Variants in NOX4 observed in about 807,000 individuals in gnomAD.
NOX4 encodes the protein kidney oxidase-1.
Under a neutral mutation model 87.6 loss-of-function variants are expected in NOX4, and 69 were observed. That is an observed-to-expected ratio of 0.79 (90% CI 0.65 to 0.96). NOX4 has a LOEUF of 0.96. NOX4 is among the 40% of genes least tolerant of loss of function. The pLI, the probability that NOX4 is intolerant of heterozygous loss-of-function variation, is 0.00. For missense variants in NOX4, 680 were observed against 681.5 expected (o/e 1.00, Z 0.02); for synonymous variants, 275 against 238.2 (o/e 1.15, Z -1.42).
At chr11:89,578,194 GCT>G in the NOX4 span, among the ~76,000 whole-genome samples, 1 of 147,980 alleles carries the variant, frequency 6.8e-6, no homozygotes, top group African/African-American at 2.5e-5. Context: ...ACAGAGTCTC[GCT>G]CTGTTGCCAG....
intron 11 of NOX4, among the ~76,000 whole-genome samples, chr11:89,392,161 T>C (rs1191570811): frequency 6.6e-6 from 1 of 152,110 alleles, no homozygotes; most frequent in African/African-American, 2.4e-5. Context: ...TAAGACAATT[T>C]TTTTTCTTAA....
chr11:89,540,786 TAAAAAAAAAAAAAAAAAAAAAAA>T, the NOX4 span, among the ~76,000 whole-genome samples: 60 of 43,520 alleles, frequency 1.4e-3, no homozygotes, highest in South Asian at 7.0e-3. Flanking sequence ...AGACTCCGTC[TAAAAAAAAAAAAAAAAAAAAAAA>T]AAAAAAAAAA....
chr11:89,368,253 T>C (rs1939165574), intron 12 of NOX4, among the ~76,000 whole-genome samples: 1 of 152,126 alleles, frequency 6.6e-6, no homozygotes, highest in Non-Finnish European at 1.5e-5. Context: ...CTTCTTAGAA[T>C]TTGTCCAGTG....
chr11:89,498,205 T>C (rs1365897159), upstream of NOX4: 1 of 152,208 alleles, frequency 6.6e-6, no homozygotes, highest in Non-Finnish European at 1.5e-5. Flanking sequence ...GAAAAGAAGT[T>C]TATGTTGTTG....
At chr11:89,426,183 T>C (rs905592206) in intron 7 of NOX4, among the ~76,000 whole-genome samples, 1 of 152,172 alleles carries the variant, frequency 6.6e-6, no homozygotes, top group Non-Finnish European at 1.5e-5. Flanking sequence ...TAGAACATCA[T>C]GTTAATTTAC....
chr11:89,418,888 C>G (rs996037998), intron 8 of NOX4, among the ~76,000 whole-genome samples: 8 of 152,040 alleles, frequency 5.3e-5, no homozygotes, highest in African/African-American at 1.9e-4. Flanking sequence ...TCATATGAAG[C>G]AAATGCTCTT....
At chr11:89,514,890 G>T in the NOX4 span, among the ~76,000 whole-genome samples, 1 of 151,544 alleles carries the variant, frequency 6.6e-6, no homozygotes, top group African/African-American at 2.4e-5. Context: ...TGTTCTTTAG[G>T]TCAGCATAAT....
intron 5 of NOX4, among the ~76,000 whole-genome samples, chr11:89,442,115 A>G (rs530813393): frequency 1.4e-3 from 210 of 151,202 alleles, no homozygotes; most frequent in African/African-American, 5.0e-3. Context: ...TACCTATTAG[A>G]TGCTAAATAC....
At chr11:89,521,805 G>T in the NOX4 span, among the ~76,000 whole-genome samples, 1 of 151,880 alleles carries the variant, frequency 6.6e-6, no homozygotes, top group South Asian at 2.1e-4. Flanking sequence ...TAATATCCAG[G>T]ATCTATAAGG....
intron 11 of NOX4, among the ~76,000 whole-genome samples, chr11:89,373,779 A>C (rs1397441266): frequency 1.3e-5 from 2 of 152,078 alleles, no homozygotes; most frequent in African/African-American, 2.4e-5. Context: ...TCTTGCTAAA[A>C]CATCTTCTAA....
the NOX4 span, among the ~76,000 whole-genome samples, chr11:89,531,200 A>C: frequency 6.6e-6 from 1 of 152,150 alleles, no homozygotes; most frequent in Admixed American, 6.5e-5. Context: ...CCAGAGGCTT[A>C]TGTTTTTTCT....
chr11:89,402,593 CA>C (rs754143725), intron 8 of NOX4, 51 bp from the exon 9 acceptor site: 63 of 1,334,354 alleles, frequency 4.7e-5, no homozygotes, highest in Admixed American at 2.1e-4. Flanking sequence ...GATTTGAGAT[CA>C]GGGGACACGG....
intron 12 of NOX4, among the ~76,000 whole-genome samples, chr11:89,361,628 T>C (rs1032574772): frequency 2.0e-4 from 30 of 151,988 alleles, no homozygotes; most frequent in African/African-American, 7.2e-4. Context: ...CAAAAAAGAA[T>C]ATTTGCTTAA....
At chr11:89,552,928 C>G in the NOX4 span, among the ~76,000 whole-genome samples, 3 of 152,082 alleles carry the variant, frequency 2.0e-5, no homozygotes, top group South Asian at 6.2e-4. Context: ...GAGATTATGC[C>G]CCAAAATTAT....
chr11:89,447,278 T>C (rs1179794015), intron 4 of NOX4, among the ~76,000 whole-genome samples: 1 of 152,176 alleles, frequency 6.6e-6, no homozygotes, highest in Non-Finnish European at 1.5e-5. Context: ...AAAGCTTATA[T>C]ATTAACTACA....
the NOX4 span, among the ~76,000 whole-genome samples, chr11:89,510,275 G>A: frequency 6.6e-6 from 1 of 152,012 alleles, no homozygotes; most frequent in Non-Finnish European, 1.5e-5. Context: ...AAATCATGCA[G>A]AGCAAAGAAG....
chr11:89,481,623 G>C (rs1203384901), intron 2 of NOX4, among the ~76,000 whole-genome samples: 2 of 152,036 alleles, frequency 1.3e-5, no homozygotes, highest in Non-Finnish European at 2.9e-5. Flanking sequence ...TTTCTCTCCA[G>C]AATTACTTAG....
chr11:89,407,473 C>T (rs1406169472), intron 8 of NOX4, among the ~76,000 whole-genome samples: 5 of 152,008 alleles, frequency 3.3e-5, no homozygotes, highest in Non-Finnish European at 7.4e-5. Flanking sequence ...CTAGTGTTCT[C>T]CTATCATGAG....
chr11:89,435,170 C>G (rs1944014347), intron 6 of NOX4, among the ~76,000 whole-genome samples: 1 of 152,032 alleles, frequency 6.6e-6, no homozygotes, highest in Non-Finnish European at 1.5e-5. Context: ...AGAGGTCAGT[C>G]TCACTGTTTT....
Sources: allele counts gnomAD v4.1 joint callset (sites outside exome capture counted in the v4.1 genomes callset), GRCh38; gene constraint gnomAD v4.1.1; transcripts MANE v1.5; gene names NCBI Gene and HGNC (gene_info 2026-07-23, HGNC 2026-07-21).